Variants in ABCA12 observed in about 807,000 individuals in gnomAD.
ABCA12 encodes the protein ATP binding cassette subfamily A member 12.
Under a neutral mutation model 293.5 loss-of-function variants are expected in ABCA12, and 156 were observed. That is an observed-to-expected ratio of 0.53 (90% CI 0.47 to 0.61). The LOEUF is 0.61. ABCA12 is among the 20% of genes least tolerant of loss of function. ABCA12 has a pLI of 0.00. For synonymous variants in ABCA12, 1,063 were observed against 1,108.0 expected (o/e 0.96, Z 0.81); for missense variants, 2,797 against 3,090.2 (o/e 0.91, Z 2.25).
intron 44 of ABCA12, among the ~76,000 whole-genome samples, chr2:214,953,645 C>G (rs373029367): frequency 4.6e-5 from 7 of 152,328 alleles, no homozygotes; most frequent in Admixed American, 1.3e-4. Context: ...TTCCCTCACT[C>G]AACAGCAATA....
intron 2 of ABCA12, among the ~76,000 whole-genome samples, chr2:215,107,515 G>A (rs538248247): frequency 6.6e-6 from 1 of 152,316 alleles, no homozygotes; most frequent in African/African-American, 2.4e-5. Context: ...TCTTTGCAGA[G>A]GCTAGTTACC....
chr2:215,095,837 C>A (rs1441831567), intron 2 of ABCA12, among the ~76,000 whole-genome samples: 1 of 152,144 alleles, frequency 6.6e-6, no homozygotes, highest in Non-Finnish European at 1.5e-5. Context: ...TGTGACCACA[C>A]CCCTGCCTGC....
chr2:214,979,078 CTT>C (rs1432777860), intron 31 of ABCA12, 38 bp from the exon 32 acceptor site: 2 of 1,569,312 alleles, frequency 1.3e-6, no homozygotes, highest in African/African-American at 2.7e-5. Context: ...ACTCTCCTCT[CTT>C]TACACTATAG....
intron 21 of ABCA12, 117 bp from the exon 22 acceptor site, chr2:215,001,137 T>C: frequency 1.0e-6 from 1 of 964,858 alleles, no homozygotes; most frequent in Non-Finnish European, 1.6e-6. Context: ...AATGTGACAG[T>C]AGGTTCAGGT....
Position 214,975,838 on chromosome 2 carries a change from C to T in ABCA12, c.5328G>A (p.Glu1776=). The T allele has an allele frequency of 6.2e-7, 1 of 1,614,112 alleles. No individual in the cohort carries two copies. Among genetic ancestry groups the T allele is most frequent in the Non-Finnish European group, 8.5e-7 (1 of 1,179,978 alleles). ...CATAAAGAGAGGGGGAGATCTGAAT[C>T]TCTGGATAACTGTTGCTGGAATTTC... ...TLRNSSNSYP[E]IQISPSLYGT... The change falls in exon 34 of 53, where the codon GAG becomes GAA. Residue 1776 remains glutamate, a synonymous_variant. Transcript: ENST00000272895.
chr2:214,948,892 A>G (rs898552365), intron 46 of ABCA12, 148 bp downstream of exon 46: 5 of 1,188,398 alleles, frequency 4.2e-6, no homozygotes, highest in Non-Finnish European at 6.1e-6. Context: ...ACATTTAAAC[A>G]TTTAAACATT....
At chr2:214,947,394 T>C in intron 48 of ABCA12, 28 bp downstream of exon 48, 1 of 1,613,074 alleles carries the variant, frequency 6.2e-7, no homozygotes, top group Non-Finnish European at 8.5e-7. Flanking sequence ...AATTATGGAG[T>C]GGCCTGTTTA....
intron 22 of ABCA12, among the ~76,000 whole-genome samples, chr2:214,998,260 G>T (rs1466474957): frequency 1.3e-5 from 2 of 152,174 alleles, no homozygotes; most frequent in Non-Finnish European, 2.9e-5. Context: ...GAAGATCATA[G>T]TTATTATGAA....
intron 3 of ABCA12, among the ~76,000 whole-genome samples, chr2:215,057,171 T>G (rs79389455): frequency 0.035 from 5,269 of 152,124 alleles, 198 homozygotes; most frequent in African/African-American, 0.093. Flanking sequence ...TTAGAAGATA[T>G]CTTCAGAATT....
chr2:214,948,569 T>G (rs1404563977), intron 47 of ABCA12, 27 bp downstream of exon 47: 5 of 1,612,798 alleles, frequency 3.1e-6, no homozygotes, highest in Non-Finnish European at 3.4e-6. Flanking sequence ...GGTTTCAAAT[T>G]AAGTAATTTT....
Position 214,948,683 on chromosome 2 carries a change from T to C in ABCA12, c.7017A>G (p.Glu2339=). ...CAGTTACCAGGTCATCTAAGGCATC[T>C]TCCTGAGGACAGTAGCCAACTAATG... ...HSSLVGYCPQ[E]DALDDLVTVE... Residue 2339 remains glutamate, a synonymous_variant, in exon 47 of 53, where the codon GAA becomes GAG. Transcript: ENST00000272895. 6.2e-7 allele frequency: 1 copy of C among 1,614,124 alleles called. No homozygotes were observed. Among genetic ancestry groups the C allele is most frequent in the Non-Finnish European group, 8.5e-7 (1 of 1,179,988 alleles).
At chr2:215,079,811 A>T (rs1312899879) in intron 2 of ABCA12, among the ~76,000 whole-genome samples, 1 of 152,242 alleles carries the variant, frequency 6.6e-6, no homozygotes, top group Non-Finnish European at 1.5e-5. Flanking sequence ...GTTCAATTCC[A>T]GGCAAGTGGC....
intron 9 of ABCA12, chr2:215,029,374 GC>G (rs1700823371): frequency 6.6e-6 from 1 of 152,132 alleles, no homozygotes. Flanking sequence ...TCGTTCTCCT[GC>G]TTCAGTAAGG....
chr2:214,940,992 T>G (rs1698383199), intron 50 of ABCA12, among the ~76,000 whole-genome samples: 1 of 152,196 alleles, frequency 6.6e-6, no homozygotes, highest in Admixed American at 6.5e-5. Flanking sequence ...TAGTCATTTC[T>G]TGTATTCTGG....
rs773447895 is a variant in ABCA12 at position 214,948,676 on chromosome 2, A to T, written c.7024T>A (p.Leu2342Ile). The change falls in exon 47 of 53, where the codon TTA becomes ATA. Residue 2342 changes from leucine to isoleucine, a missense_variant. Around this residue, in one of 3 missense-constraint regions of ABCA12, gnomAD observed 2,130 missense variants for 2,427.0 expected, o/e 0.88. Coordinates refer to ENST00000272895, the MANE Select transcript of ABCA12 (RefSeq NM_173076.3). ...TCTTCCACAGTTACCAGGTCATCTA[A>T]GGCATCTTCCTGAGGACAGTAGCCA... ...LVGYCPQEDA[L>I]DDLVTVEEHL... is the part of the protein sequence containing the mutation. The T allele has an allele frequency of 3.1e-6, 5 of 1,614,096 alleles. No individual in the cohort carries two copies. Among genetic ancestry groups the T allele is most frequent in the Non-Finnish European group, 4.2e-6 (5 of 1,179,974 alleles).
At chr2:215,074,436 A>G (rs1701796041) in intron 2 of ABCA12, among the ~76,000 whole-genome samples, 1 of 152,160 alleles carries the variant, frequency 6.6e-6, no homozygotes, top group African/African-American at 2.4e-5. Context: ...GGATTTTAGG[A>G]GGCTTATTAA....
chr2:215,053,102 G>A (rs1332400724), intron 4 of ABCA12, among the ~76,000 whole-genome samples: 2 of 151,814 alleles, frequency 1.3e-5, no homozygotes, highest in Non-Finnish European at 2.9e-5. Flanking sequence ...CAAATAAATG[G>A]GATAAAGCCA....
chr2:215,125,522 T>G (rs59950863), intron 1 of ABCA12, among the ~76,000 whole-genome samples: 12,462 of 152,154 alleles, frequency 0.082, 1,185 homozygotes, highest in African/African-American at 0.23. Context: ...GAGTCCTTTG[T>G]TAGGTATATT....
At chr2:215,130,705 C>T (rs2105916926) in intron 1 of ABCA12, among the ~76,000 whole-genome samples, 2 of 152,194 alleles carry the variant, frequency 1.3e-5, no homozygotes, top group South Asian at 4.1e-4. Flanking sequence ...AGTTGACTTC[C>T]TCTTTTCCAA....
Sources: allele counts gnomAD v4.1 joint callset (sites outside exome capture counted in the v4.1 genomes callset), GRCh38; gene constraint gnomAD v4.1.1; regional missense constraint gnomAD v4.1.1; transcripts MANE v1.5; gene names NCBI Gene and HGNC (gene_info 2026-07-23, HGNC 2026-07-21).